KANK1: variants seen among roughly 807,000 people sequenced by gnomAD.
The protein encoded by KANK1 is KN motif and ankyrin repeat domain-containing protein 1.
KANK1 carries 109 observed loss-of-function variants against 106.2 expected under a neutral mutation model. The ratio of observed to expected loss-of-function variants is 1.03; its 90% CI spans 0.88 to 1.20. The LOEUF is 1.20. KANK1 is among the 50% of genes most tolerant of loss of function. KANK1 has a pLI of 0.00. For synonymous variants in KANK1, 873 were observed against 652.2 expected, an observed-to-expected ratio of 1.34 and a Z score of -5.16; for missense variants, 2,399 against 1,710.7, an observed-to-expected ratio of 1.40 and a Z score of -7.10.
At chr9:715,780 C>A (rs1364147924) in intron 3 of KANK1, among the ~76,000 whole-genome samples, 1 of 152,194 alleles carries the variant, frequency 6.6e-6, no homozygotes, top group Non-Finnish European at 1.5e-5. Flanking sequence ...TGTGTTTTCA[C>A]CATTTTGTTT....
At chr9:559,391 T>C (rs953365053) in intron 1 of KANK1, among the ~76,000 whole-genome samples, 1 of 116,956 alleles carries the variant, frequency 8.6e-6, no homozygotes, top group African/African-American at 2.5e-5. Flanking sequence ...GACTTTTTTA[T>C]TGGAGAGGTT....
intron 1 of KANK1, among the ~76,000 whole-genome samples, chr9:601,835 T>C (rs1221965807): frequency 6.6e-6 from 1 of 151,870 alleles, no homozygotes; most frequent in African/African-American, 2.4e-5. Context: ...TGCCCTACTT[T>C]TGGAATCAGT....
intron 3 of KANK1, among the ~76,000 whole-genome samples, chr9:497,388 T>A (rs868536792): frequency 2.0e-5 from 3 of 151,970 alleles, no homozygotes; most frequent in Admixed American, 6.5e-5. Context: ...TCACCTTTTC[T>A]CTGAGGGAGA....
intron 3 of KANK1, among the ~76,000 whole-genome samples, chr9:481,967 C>T (rs1156335661): frequency 1.3e-5 from 2 of 152,148 alleles, no homozygotes; most frequent in African/African-American, 2.4e-5. Flanking sequence ...TGCTTGGATC[C>T]TTCTGAACCT....
chr9:693,629 T>G, intron 2 of KANK1: 1 of 985,430 alleles, frequency 1.0e-6, no homozygotes, highest in Non-Finnish European at 1.2e-6. Flanking sequence ...AGGCTGTTAG[T>G]TCGTCAGGAA....
intron 1 of KANK1, among the ~76,000 whole-genome samples, chr9:508,316 T>C (rs539861128): frequency 5.9e-4 from 89 of 151,562 alleles, no homozygotes; most frequent in African/African-American, 2.1e-3. Context: ...TTTGTATGTT[T>C]AGTAGAAACG....
intron 1 of KANK1, among the ~76,000 whole-genome samples, chr9:668,779 A>C (rs906257955): frequency 2.0e-5 from 3 of 152,044 alleles, no homozygotes; most frequent in African/African-American, 7.3e-5. Context: ...CATGGAAGAC[A>C]TTTTTTCCAT....
At chr9:686,364 G>A (rs1428911719) in intron 2 of KANK1, among the ~76,000 whole-genome samples, 1 of 152,148 alleles carries the variant, frequency 6.6e-6, no homozygotes, top group Non-Finnish European at 1.5e-5. Context: ...ACAAAGACTG[G>A]TTTGTCTTCT....
intron 1 of KANK1, among the ~76,000 whole-genome samples, chr9:532,450 CCACCATCAT>C (rs1026461388): frequency 7.2e-4 from 104 of 144,592 alleles, no homozygotes; most frequent in African/African-American, 2.6e-3. Context: ...CATTGTTGTG[CCACCATCAT>C]CACCATCCAT....
At chr9:535,169 T>C (rs2060239817) in intron 1 of KANK1, among the ~76,000 whole-genome samples, 1 of 152,198 alleles carries the variant, frequency 6.6e-6, no homozygotes, top group South Asian at 2.1e-4. Context: ...CCTCCTTTTT[T>C]TCTTTCTCTG....
In KANK1 at chr9:630,508, G is replaced by A. The variant is rs571631862; in HGVS notation, c.-83-46382G>A. 7.2e-4 allele frequency among the ~76,000 whole-genome samples: 108 copies of A among 150,906 alleles called. 1 individual carries two copies. The highest frequency in any genetic ancestry group is 3.9e-4 in the Admixed American group (6 of 15,190). On this transcript the variant is annotated intron_variant, in intron 1 of 11. Coordinates refer to ENST00000382297, the MANE Select transcript of KANK1 (RefSeq NM_015158.5). ...GGAGCTTGCAGTGAGCTGAGATCCC[G>A]CCACTGCACTGCAGCCTGGGCGACA...
At chr9:505,872 G>C (rs1192442556) in intron 1 of KANK1, among the ~76,000 whole-genome samples, 1 of 152,270 alleles carries the variant, frequency 6.6e-6, no homozygotes, top group South Asian at 2.1e-4. Flanking sequence ...GGAAATGAGG[G>C]TCTGTTTGCT....
At chr9:611,323 T>C (rs1830499052) in intron 1 of KANK1, among the ~76,000 whole-genome samples, 1 of 152,222 alleles carries the variant, frequency 6.6e-6, no homozygotes, top group Admixed American at 6.5e-5. Context: ...CCTCACCGAC[T>C]CTATGCCTTA....
chr9:531,722 A>G (rs1391758226), intron 1 of KANK1, among the ~76,000 whole-genome samples: 4 of 152,250 alleles, frequency 2.6e-5, no homozygotes, highest in Non-Finnish European at 5.9e-5. Flanking sequence ...GATGTAGAAA[A>G]GAGACTGTAG....
chr9:547,399 G>T (rs16919397), intron 1 of KANK1: 3 of 152,070 alleles, frequency 2.0e-5, no homozygotes, highest in African/African-American at 7.3e-5. Context: ...ACCCCGCAAC[G>T]ATGTGTAAAT....
chr9:532,240 T>C (rs2060091403), intron 1 of KANK1, among the ~76,000 whole-genome samples: 2 of 147,550 alleles, frequency 1.4e-5, no homozygotes, highest in African/African-American at 5.0e-5. Flanking sequence ...CATTTGTCTT[T>C]TTTTTTTTTT....
chr9:625,865 C>T (rs375662746), intron 1 of KANK1, among the ~76,000 whole-genome samples: 2 of 152,222 alleles, frequency 1.3e-5, no homozygotes, highest in Admixed American at 6.5e-5. Flanking sequence ...TCTCACCACT[C>T]GGTTCATTTC....
At chr9:708,662 G>C (rs1382251917) in intron 2 of KANK1, among the ~76,000 whole-genome samples, 2 of 152,172 alleles carry the variant, frequency 1.3e-5, no homozygotes, top group African/African-American at 2.4e-5. Flanking sequence ...ACACTGTCGG[G>C]TGTAAATGTT....
rs140615341 is a variant in KANK1, at chr9:518,960, G to A, written c.-84+14206G>A. On this transcript the variant is annotated intron_variant, in intron 1 of 11. Transcript: ENST00000382297. ...GGCTGGAGTGCAATGGCATGATCTC[G>A]GCTCACCGCAAACTCCCCCTTCCAG... Among the ~76,000 whole-genome samples the A allele has an allele frequency of 4.4e-4, 67 of 151,338 alleles. 1 individual carries two copies. Among genetic ancestry groups the A allele is most frequent in the South Asian group, 1.7e-3 (8 of 4,808 alleles).
Sources: allele counts gnomAD v4.1 joint callset (sites outside exome capture counted in the v4.1 genomes callset), GRCh38; gene constraint gnomAD v4.1.1; transcripts MANE v1.5; gene names NCBI Gene and HGNC (gene_info 2026-07-23, HGNC 2026-07-21).